TPST1: variants seen among roughly 807,000 people sequenced by gnomAD.
TPST1 encodes tyrosylprotein sulfotransferase 1, also known as protein-tyrosine sulfotransferase 1.
Under a neutral mutation model 34.8 loss-of-function variants are expected in TPST1, and 20 were observed. The ratio of observed to expected loss-of-function variants is 0.57; its 90% CI spans 0.40 to 0.84. TPST1 has a LOEUF of 0.84. Ranked by LOEUF, TPST1 falls within the 40% of genes least tolerant of loss-of-function variation. The pLI, the probability that TPST1 is intolerant of heterozygous loss-of-function variation, is 0.00. For synonymous variants in TPST1, 152 were observed against 159.4 expected, an observed-to-expected ratio of 0.95 and a Z score of 0.35; for missense variants, 353 against 455.5, an observed-to-expected ratio of 0.78 and a Z score of 2.05.
chr7:66,217,919 G>A (rs918216903), intron 1 of TPST1, among the ~76,000 whole-genome samples: 3 of 151,322 alleles, frequency 2.0e-5, no homozygotes, highest in Non-Finnish European at 2.9e-5. Flanking sequence ...TGACCCTGTC[G>A]CCCAGGCTGG....
At chr7:66,215,491 C>T (rs1789377007) in intron 1 of TPST1, among the ~76,000 whole-genome samples, 2 of 151,342 alleles carry the variant, frequency 1.3e-5, no homozygotes, top group Admixed American at 1.3e-4. Context: ...TCTCCTTCCT[C>T]AGCCTCCTGA....
intron 1 of TPST1, among the ~76,000 whole-genome samples, chr7:66,231,057 G>T (rs34848025): frequency 6.6e-6 from 1 of 151,080 alleles, no homozygotes; most frequent in African/African-American, 2.4e-5. Flanking sequence ...ACAGAGTGCC[G>T]ATTGGTGTAT....
intron 3 of TPST1, among the ~76,000 whole-genome samples, chr7:66,319,411 T>A (rs544111247): frequency 6.6e-6 from 1 of 152,210 alleles, no homozygotes; most frequent in African/African-American, 2.4e-5. Flanking sequence ...CCTGCTACTT[T>A]AAAAAAATAC....
rs954157240 is a variant in TPST1 at position 66,326,129 on chromosome 7, A to G, written c.1045-26376A>G. 2.0e-5 allele frequency among the ~76,000 whole-genome samples: 3 copies of G among 152,210 alleles called. No individual in the cohort carries two copies. In the East Asian group the frequency reaches 5.8e-4, roughly 29 times the overall value. ...TGGTTTCAGAAACTTCTGTGAGTCT[A>G]TCAACTGTAAAAATGGAGATGACTA... is the stretch of plus-strand genomic sequence containing the variant. On this transcript the variant is annotated intron_variant, in intron 3 of 5. Coordinates refer to ENST00000304842, the MANE Select transcript of TPST1 (RefSeq NM_003596.4).
intron 1 of TPST1, among the ~76,000 whole-genome samples, chr7:66,211,427 G>A (rs1562796397): frequency 1.3e-5 from 2 of 152,070 alleles, no homozygotes; most frequent in Admixed American, 6.6e-5. Context: ...CACCACGCCC[G>A]GCTGGTCCAT....
At chr7:66,210,478 TA>T (rs1789220464) in intron 1 of TPST1, among the ~76,000 whole-genome samples, 2 of 152,292 alleles carry the variant, frequency 1.3e-5, no homozygotes, top group South Asian at 4.1e-4. Context: ...GGGGAGCTTT[TA>T]AAGAATGAGG....
intron 2 of TPST1, among the ~76,000 whole-genome samples, chr7:66,263,798 G>A (rs887995567): frequency 2.0e-5 from 3 of 152,182 alleles, no homozygotes; most frequent in Non-Finnish European, 4.4e-5. Flanking sequence ...AAGCGGCACA[G>A]TAAAGAAGTG....
At chr7:66,342,738 A>T (rs1792264487) in intron 3 of TPST1, among the ~76,000 whole-genome samples, 1 of 151,966 alleles carries the variant, frequency 6.6e-6, no homozygotes, top group South Asian at 2.1e-4. Context: ...GAGGTGCCAG[A>T]CTCTTGAACA....
intron 2 of TPST1, among the ~76,000 whole-genome samples, chr7:66,258,987 T>C (rs1304593619): frequency 1.3e-5 from 2 of 152,228 alleles, no homozygotes; most frequent in Non-Finnish European, 2.9e-5. Flanking sequence ...AATTTTCTCT[T>C]AGTGTTTTGA....
intron 3 of TPST1, among the ~76,000 whole-genome samples, chr7:66,294,452 A>T (rs1250052043): frequency 1.3e-5 from 2 of 152,154 alleles, no homozygotes; most frequent in Non-Finnish European, 2.9e-5. Flanking sequence ...ATTAATTTCT[A>T]TGTGAATTCC....
chr7:66,231,904 C>T (rs1016319866), intron 1 of TPST1, among the ~76,000 whole-genome samples: 1 of 152,238 alleles, frequency 6.6e-6, no homozygotes, highest in Non-Finnish European at 1.5e-5. Flanking sequence ...TCATCTCTCA[C>T]TATCACTTAA....
chr7:66,206,095 C>T (rs1242484434), intron 1 of TPST1, among the ~76,000 whole-genome samples: 2 of 150,036 alleles, frequency 1.3e-5, no homozygotes, highest in African/African-American at 4.9e-5. Context: ...CAGACACTTT[C>T]CCACTCTCTG....
rs564707068 is a variant in TPST1 at position 66,282,208 on chromosome 7, T to C, written c.846-4303T>C. On this transcript the variant is annotated intron_variant, in intron 2 of 5. Transcript: ENST00000304842. ...TAATGAGCTCCTTGCAGTCTGCAGG[T>C]TATTATCGAGAAAAGAAAATTAGGC... 2.6e-5 allele frequency among the ~76,000 whole-genome samples: 4 copies of C among 152,308 alleles called. No homozygotes were observed. The East Asian group carries it at 7.7e-4, about 29-fold the overall frequency.
chr7:66,338,465 C>G (rs1016628225), intron 3 of TPST1, among the ~76,000 whole-genome samples: 18 of 152,292 alleles, frequency 1.2e-4, no homozygotes, highest in Middle Eastern at 3.4e-3. Context: ...AAACTGTACT[C>G]TGGACCAAAT....
At chr7:66,352,413 G>C in intron 3 of TPST1, 92 bp from the exon 4 acceptor site, 2 of 1,547,148 alleles carry the variant, frequency 1.3e-6, no homozygotes, top group Non-Finnish European at 1.7e-6. Flanking sequence ...CAGTGGAGCA[G>C]TAAACCCGGC....
chr7:66,246,725 G>T (rs923451671), intron 2 of TPST1, among the ~76,000 whole-genome samples: 2 of 152,182 alleles, frequency 1.3e-5, no homozygotes, highest in Non-Finnish European at 2.9e-5. Flanking sequence ...TGGCATTTAG[G>T]CTGCTTCCAG....
chr7:66,347,827 G>A (rs1253521588), intron 3 of TPST1, among the ~76,000 whole-genome samples: 1 of 152,046 alleles, frequency 6.6e-6, no homozygotes. Context: ...TGTTGGTTTT[G>A]TCTTCTTCAA....
At chr7:66,199,404 C>T in the TPST1 span, among the ~76,000 whole-genome samples, 2 of 147,280 alleles carry the variant, frequency 1.4e-5, no homozygotes, top group South Asian at 4.3e-4. Context: ...AAGTGATTCT[C>T]CTGCCTCAGC....
intron 2 of TPST1, among the ~76,000 whole-genome samples, chr7:66,284,187 C>T (rs1397626496): frequency 6.6e-6 from 1 of 152,106 alleles, no homozygotes; most frequent in Non-Finnish European, 1.5e-5. Flanking sequence ...ACTTTTTCTT[C>T]AAATCATTTA....
Sources: gnomAD v4.1 joint callset for allele counts (sites outside exome capture counted in the v4.1 genomes callset) on GRCh38, gnomAD v4.1.1 for gene constraint, MANE v1.5 for transcripts, NCBI Gene and HGNC (gene_info 2026-07-23, HGNC 2026-07-21) for gene names.